PLEKHA6: variants seen among roughly 807,000 people sequenced by gnomAD.
PLEKHA6 encodes pleckstrin homology domain-containing family A member 6.
In PLEKHA6, 60 loss-of-function variants were observed where a neutral mutation model predicts 116.7. The ratio of observed to expected loss-of-function variants is 0.51; its 90% CI spans 0.42 to 0.64. The LOEUF (loss-of-function observed/expected upper bound fraction) is 0.64, where lower values mean the gene tolerates loss of function less well. Among genes scored for constraint, PLEKHA6 ranks in the 30% least tolerant of loss-of-function variants. The pLI, the probability that PLEKHA6 is intolerant of heterozygous loss-of-function variation, is 0.00. For synonymous variants in PLEKHA6, 489 were observed against 556.1 expected (o/e 0.88, Z 1.70); for missense variants, 1,338 against 1,422.7 (o/e 0.94, Z 0.96).
chr1:204,246,007 A>G (rs1169120922), intron 13 of PLEKHA6, among the ~76,000 whole-genome samples: 1 of 152,200 alleles, frequency 6.6e-6, no homozygotes, highest in Non-Finnish European at 1.5e-5. Context: ...CCTCAGGGGA[A>G]AGATGGGTGG....
chr1:204,281,517 T>C (rs1572048811), intron 1 of PLEKHA6, among the ~76,000 whole-genome samples: 1 of 146,940 alleles, frequency 6.8e-6, no homozygotes, highest in East Asian at 2.1e-4. Context: ...AGACAGAGAT[T>C]CCGTCTCAAA....
Position 204,220,124 on chromosome 1 carries a change from A to G in PLEKHA6, c.*2664T>C, listed in dbSNP as rs1659497975. On this transcript the variant is annotated 3_prime_UTR_variant, in exon 23 of 23. Transcript: ENST00000272203. ...CTCTGGGCTTCGCACCGTCTCGTAC[A>G]CTGACATCCTTAGTGCTGTTTGGCA... 1 of 152,214 alleles carries G rather than the reference A, an allele frequency of 6.6e-6. No individual in the cohort carries two copies. The highest frequency in any genetic ancestry group is 2.4e-5 in the African/African-American group (1 of 41,446). The allele number at this position is 152,214 out of a possible 1,614,324, so 9.4% of individuals were successfully genotyped here.
intron 1 of PLEKHA6, among the ~76,000 whole-genome samples, chr1:204,349,163 G>C (rs1187024885): frequency 6.6e-6 from 1 of 152,290 alleles, no homozygotes; most frequent in Middle Eastern, 3.4e-3. Context: ...CCTGGCTCCA[G>C]GCCCTCAATT....
chr1:204,364,588 A>G (rs186343073), upstream of PLEKHA6, among the ~76,000 whole-genome samples: 336 of 152,348 alleles, frequency 2.2e-3, 1 homozygote, highest in African/African-American at 7.6e-3. Flanking sequence ...GGCTGCTGCT[A>G]TGATATACAG....
At chr1:204,331,403 C>G (rs1480089222) in intron 1 of PLEKHA6, among the ~76,000 whole-genome samples, 2 of 152,006 alleles carry the variant, frequency 1.3e-5, no homozygotes, top group African/African-American at 4.8e-5. Flanking sequence ...CCAGCCCAGC[C>G]CAGCGACCCA....
At chr1:204,302,880 G>A (rs1670952163) in intron 1 of PLEKHA6, among the ~76,000 whole-genome samples, 1 of 150,684 alleles carries the variant, frequency 6.6e-6, no homozygotes, top group African/African-American at 2.4e-5. Context: ...CCATCTCAAA[G>A]AAAAAGAAAA....
At chr1:204,364,962 T>A (rs934383976) in intron 3 of PLEKHA6, among the ~76,000 whole-genome samples, 11 of 152,134 alleles carry the variant, frequency 7.2e-5, no homozygotes, top group Admixed American at 7.2e-4. Flanking sequence ...CACGGACACA[T>A]CCCTGAAGAA....
chr1:204,312,326 C>G (rs1671685533), intron 1 of PLEKHA6, among the ~76,000 whole-genome samples: 1 of 152,238 alleles, frequency 6.6e-6, no homozygotes, highest in Non-Finnish European at 1.5e-5. Flanking sequence ...ATCCTACTGT[C>G]CCTCTCCAGA....
intron 6 of PLEKHA6, among the ~76,000 whole-genome samples, 184 bp downstream of exon 6, chr1:204,264,758 C>T (rs1455673069): frequency 1.3e-5 from 2 of 152,186 alleles, no homozygotes; most frequent in African/African-American, 4.8e-5. Flanking sequence ...TCTAGCCTTA[C>T]AAGAGACTGT....
intron 1 of PLEKHA6, chr1:204,307,257 T>C (rs1056398310): frequency 6.6e-6 from 1 of 152,208 alleles, no homozygotes; most frequent in African/African-American, 2.4e-5. Context: ...CATGTGAGTT[T>C]TTCTCCCGGG....
In PLEKHA6 at chr1:204,259,384, C is replaced by T. The variant is rs757682021; in HGVS notation, c.881G>A (p.Gly294Glu). The change falls in exon 8 of 23, where the codon GGA (glycine) becomes GAA (glutamate). Residue 294 changes from glycine (G) to glutamate (E), a missense_variant. By Grantham distance (98) the Gly-to-Glu change is moderately conservative. Transcript: ENST00000272203. The surrounding 1 kb of genome is among the most constrained non-coding windows in gnomAD (Gnocchi z 4.6). ...AFPSQDGETG[G>E]HRRSFPPRTN... ...GCGTGGTGGGAAACTCCGCCGGTGT[C>T]CCCCAGTCTCTCCATCCTGAGACGG... is the stretch of plus-strand genomic sequence containing the variant. 1.1e-5 allele frequency: 18 copies of T among 1,614,224 alleles called. No individual in the cohort carries two copies. Among genetic ancestry groups the T allele is most frequent in the South Asian group, 4.4e-5 (4 of 91,086 alleles).
chr1:204,301,858 C>A (rs773653508), intron 1 of PLEKHA6, among the ~76,000 whole-genome samples: 3 of 152,112 alleles, frequency 2.0e-5, no homozygotes, highest in African/African-American at 7.2e-5. Flanking sequence ...TGGCTCTAGT[C>A]GTACATTTTA....
intron 1 of PLEKHA6, among the ~76,000 whole-genome samples, chr1:204,290,414 A>G (rs2103023735): frequency 6.6e-6 from 1 of 152,372 alleles, no homozygotes. Context: ...AAAGGTATAA[A>G]GTCAATGCAA....
At position 204,273,693 on chromosome 1, in the gene PLEKHA6, G is replaced by A. The variant is rs777968279; in HGVS notation, c.35C>T (p.Thr12Ile). The change falls in exon 3 of 23, where the codon ACC becomes ATC. Residue 12 changes from threonine to isoleucine, a missense_variant. Thr to Ile is a moderately conservative substitution (Grantham distance 89, BLOSUM62 -1). This residue lies in a region of PLEKHA6 where 62 missense variants were observed against 61.7 expected (regional missense o/e 1.01). Coordinates refer to ENST00000272203, the MANE Select transcript of PLEKHA6 (RefSeq NM_014935.5). ...SNKTGGKRPATTNSDIPNHNM... is the reference protein window; with the variant it reads ...SNKTGGKRPAITNSDIPNHNM... ...GTGGTTGGGTATGTCACTGTTGGTG[G>A]TAGCCGGGCGTTTCCCACCTGTTTT... 6.2e-7 allele frequency: 1 copy of A among 1,614,140 alleles called. No individual in the cohort carries two copies. Among genetic ancestry groups the A allele is most frequent in the East Asian group, 2.2e-5 (1 of 44,862 alleles).
chr1:204,275,325 C>A (rs1374586988), intron 1 of PLEKHA6, among the ~76,000 whole-genome samples: 1 of 152,216 alleles, frequency 6.6e-6, no homozygotes, highest in Non-Finnish European at 1.5e-5. Context: ...AAATTCCATT[C>A]TTGAGCTTGG....
chr1:204,242,612 C>T (rs994686303), intron 15 of PLEKHA6, among the ~76,000 whole-genome samples: 4 of 152,178 alleles, frequency 2.6e-5, no homozygotes, highest in Non-Finnish European at 4.4e-5. Context: ...GCTAGGGATG[C>T]AGGTGAGAGA....
intron 1 of PLEKHA6, among the ~76,000 whole-genome samples, chr1:204,328,223 C>T (rs964734936): frequency 3.8e-4 from 57 of 151,684 alleles, no homozygotes; most frequent in African/African-American, 1.3e-3. Flanking sequence ...GCTGGGATTA[C>T]AGGCATGCAC....
At chr1:204,244,418 C>T (rs973833999) in intron 15 of PLEKHA6, among the ~76,000 whole-genome samples, 5 of 151,764 alleles carry the variant, frequency 3.3e-5, no homozygotes, top group Admixed American at 6.6e-5. Flanking sequence ...TGGGATTACA[C>T]GATTACGCAC....
chr1:204,230,700 G>A, intron 17 of PLEKHA6, 114 bp from the exon 18 acceptor site: 4 of 852,832 alleles, frequency 4.7e-6, no homozygotes, highest in Non-Finnish European at 7.1e-6. Flanking sequence ...GTGGACTGAA[G>A]AGTGGTCCCC....
Sources: gnomAD v4.1 joint callset for allele counts (sites outside exome capture counted in the v4.1 genomes callset) on GRCh38, gnomAD v4.1.1 for gene constraint, gnomAD v4.1.1 regional missense constraint, Gnocchi (gnomAD v3.1) non-coding constraint, MANE v1.5 for transcripts, NCBI Gene and HGNC (gene_info 2026-07-23, HGNC 2026-07-21) for gene names.